KTN1: variants seen among roughly 807,000 people sequenced by gnomAD.
KTN1 encodes the protein kinectin.
KTN1 carries 130 observed loss-of-function variants against 222.5 expected under a neutral mutation model. That is an observed-to-expected ratio of 0.58 (90% CI 0.51 to 0.68). The LOEUF (loss-of-function observed/expected upper bound fraction) is 0.68, where lower values mean the gene tolerates loss of function less well. Among genes scored for constraint, KTN1 ranks in the 30% least tolerant of loss-of-function variants. The pLI, the probability that KTN1 is intolerant of heterozygous loss-of-function variation, is 0.00. For missense variants in KTN1, 1,508 were observed against 1,500.4 expected (o/e 1.01, Z -0.08); for synonymous variants, 512 against 496.3 (o/e 1.03, Z -0.42).
intron 16 of KTN1, 76 bp from the exon 17 acceptor site, chr14:55,641,051 C>A: frequency 1.4e-6 from 2 of 1,471,932 alleles, no homozygotes; most frequent in Non-Finnish European, 1.9e-6. Flanking sequence ...CTGCTTATAA[C>A]TGATAGTTGT....
chr14:55,611,752 C>A (rs2037611832), intron 1 of KTN1, among the ~76,000 whole-genome samples: 1 of 152,132 alleles, frequency 6.6e-6, no homozygotes. Context: ...TAAATTTTTT[C>A]TCTTCAATTA....
Position 55,650,621 on chromosome 14 carries a change from T to C in KTN1, c.2549T>C (p.Leu850Pro), listed in dbSNP as rs1247088587. 6.2e-7 allele frequency: 1 copy of C among 1,611,034 alleles called. No individual in the cohort carries two copies. The highest frequency in any genetic ancestry group is 8.5e-7 in the Non-Finnish European group (1 of 1,177,498). ...AAAGAAGAAATAGGAAATGTCCAGC[T>C]TGAAAAGGCTCAACAGGTAAAAATC... The part of the protein sequence containing the change: ...ALKEEIGNVQ[L>P]EKAQQLSITS... Residue 850 changes from leucine to proline, a missense_variant, in exon 24 of 44, where the codon CTT (leucine) becomes CCT (proline). By Grantham distance (98) the Leu-to-Pro change is moderately conservative (BLOSUM62 -3). Transcript: ENST00000395314.
At chr14:55,626,312 A>G (rs533243472) in intron 5 of KTN1, among the ~76,000 whole-genome samples, 1 of 151,904 alleles carries the variant, frequency 6.6e-6, no homozygotes, top group Non-Finnish European at 1.5e-5. Flanking sequence ...TTACAGCGGC[A>G]TGTGCTTTTC....
intron 25 of KTN1, among the ~76,000 whole-genome samples, chr14:55,652,195 C>G (rs922779715): frequency 6.6e-6 from 1 of 152,014 alleles, no homozygotes; most frequent in African/African-American, 2.4e-5. Flanking sequence ...ATTTTAATAG[C>G]CATGTGAAAT....
intron 6 of KTN1, among the ~76,000 whole-genome samples, chr14:55,628,607 A>T (rs1227891216): frequency 6.6e-6 from 1 of 152,210 alleles, no homozygotes. Flanking sequence ...TAGGGATTAA[A>T]TGCAGTAGAA....
chr14:55,606,225 G>A (rs752252900), intron 1 of KTN1, among the ~76,000 whole-genome samples: 2 of 152,078 alleles, frequency 1.3e-5, no homozygotes, highest in Non-Finnish European at 2.9e-5. Flanking sequence ...TACTCTGGAA[G>A]CCTGTATATC....
intron 5 of KTN1, among the ~76,000 whole-genome samples, chr14:55,621,752 A>T (rs554797050): frequency 6.6e-6 from 1 of 152,208 alleles, no homozygotes; most frequent in South Asian, 2.1e-4. Context: ...TCATATATTC[A>T]CACTAATCAA....
chr14:55,605,659 C>T (rs866817215), intron 1 of KTN1, among the ~76,000 whole-genome samples: 7 of 152,144 alleles, frequency 4.6e-5, no homozygotes, highest in Admixed American at 6.5e-5. Flanking sequence ...CAAATTGGGA[C>T]TAAAAGCCAA....
chr14:55,585,092 A>G (rs2032671210), intron 1 of KTN1, among the ~76,000 whole-genome samples: 1 of 147,160 alleles, frequency 6.8e-6, no homozygotes, highest in African/African-American at 2.5e-5. Context: ...AGATGGTGCG[A>G]CTGCACTCCA....
At chr14:55,666,914 TAAGAA>T in intron 33 of KTN1, among the ~76,000 whole-genome samples, 1 of 152,000 alleles carries the variant, frequency 6.6e-6, no homozygotes. Flanking sequence ...GTTTTAGCTA[TAAGAA>T]ATGCTTTTTG....
intron 31 of KTN1, among the ~76,000 whole-genome samples, chr14:55,660,035 A>G (rs1445360519): frequency 3.3e-5 from 5 of 152,096 alleles, no homozygotes. Context: ...TCTTTCTTCT[A>G]GATGTGATTG....
intron 25 of KTN1, among the ~76,000 whole-genome samples, chr14:55,652,393 CTTTTTTTTT>C (rs769501863): frequency 1.7e-5 from 2 of 117,426 alleles, no homozygotes; most frequent in Admixed American, 9.6e-5. Flanking sequence ...TCTTAAATGC[CTTTTTTTTT>C]TTTTTTTTTT....
At chr14:55,674,921 G>C (rs1595300349) in intron 40 of KTN1, 1 of 152,088 alleles carries the variant, frequency 6.6e-6, no homozygotes, top group South Asian at 2.1e-4. Context: ...TAATTTCTCT[G>C]ATGGAGAATA....
intron 40 of KTN1, 89 bp from the exon 41 acceptor site, chr14:55,675,746 G>A (rs1201387174): frequency 2.8e-5 from 23 of 813,272 alleles, no homozygotes; most frequent in Non-Finnish European, 4.5e-5. Flanking sequence ...ACTGTTAGCA[G>A]TCCCATTCAT....
intron 1 of KTN1, among the ~76,000 whole-genome samples, chr14:55,582,392 G>A (rs1001644675): frequency 6.6e-6 from 1 of 152,028 alleles, no homozygotes; most frequent in East Asian, 1.9e-4. Flanking sequence ...AGTCAATATG[G>A]CTTTTTAAAA....
intron 12 of KTN1, among the ~76,000 whole-genome samples, chr14:55,638,662 T>C (rs2041418433): frequency 1.3e-5 from 2 of 151,824 alleles, no homozygotes; most frequent in African/African-American, 4.8e-5. Context: ...TGTGGATGTG[T>C]ATGTATATGT....
intron 41 of KTN1, among the ~76,000 whole-genome samples, chr14:55,677,494 A>AAT (rs2045984390): frequency 1.3e-5 from 2 of 151,704 alleles, no homozygotes; most frequent in South Asian, 4.2e-4. Context: ...AAAAAAAAAA[A>AAT]AGTTAATAAC....
At chr14:55,682,098 A>G (rs766529913) in intron 43 of KTN1, 5 of 152,192 alleles carry the variant, frequency 3.3e-5, no homozygotes, top group South Asian at 4.1e-4. Flanking sequence ...ATAAAGGGAG[A>G]GTTGTTTTTA....
At position 55,658,594 on chromosome 14, in the gene KTN1, AAAC is replaced by A. The variant is rs2043760840; in HGVS notation, c.2947_2949del (p.Gln983del). ...GTTTAAGTCCCAAATTGAGCAGCTT[AAAC>A]AACAAAACTACCAACAGGTAGGTAT... is the stretch of plus-strand genomic sequence containing the variant. On this transcript the variant is annotated inframe_deletion, in exon 30 of 44. Coordinates refer to ENST00000395314, the MANE Select transcript of KTN1 (RefSeq NM_001079521.2). 3.7e-6 allele frequency: 6 copies of A among 1,605,630 alleles called. No homozygotes were observed. Among genetic ancestry groups the A allele is most frequent in the Non-Finnish European group, 5.1e-6 (6 of 1,173,728 alleles).
Sources: allele counts gnomAD v4.1 joint callset (sites outside exome capture counted in the v4.1 genomes callset), GRCh38; gene constraint gnomAD v4.1.1; transcripts MANE v1.5; gene names NCBI Gene and HGNC (gene_info 2026-07-23, HGNC 2026-07-21).